The following SYNPR variants were observed in gnomAD, a reference collection of about 807,000 sequenced individuals.
SYNPR encodes synaptoporin.
In SYNPR, 23 loss-of-function variants were observed where a neutral mutation model predicts 32.9. That is an observed-to-expected ratio of 0.70 (90% CI 0.50 to 0.99). The LOEUF is 0.99. Among genes scored for constraint, SYNPR ranks in the 50% least tolerant of loss-of-function variants. The pLI, the probability that SYNPR is intolerant of heterozygous loss-of-function variation, is 0.00. For missense variants in SYNPR, 318 were observed against 349.3 expected (o/e 0.91, Z 0.71); for synonymous variants, 146 against 135.9 (o/e 1.07, Z -0.52).
upstream of SYNPR, among the ~76,000 whole-genome samples, chr3:63,227,032 A>G (rs1384117136): frequency 6.6e-6 from 1 of 152,194 alleles, no homozygotes; most frequent in Non-Finnish European, 1.5e-5. Context: ...ATAAAATAAA[A>G]TGTATTTAAA....
At chr3:63,532,708 T>TCC (rs1702133065) in intron 3 of SYNPR, among the ~76,000 whole-genome samples, 1 of 152,194 alleles carries the variant, frequency 6.6e-6, no homozygotes. Flanking sequence ...TGCTGCTAAA[T>TCC]CCCACTGACG....
At chr3:63,520,433 G>T (rs1018926144) in intron 3 of SYNPR, among the ~76,000 whole-genome samples, 10 of 152,142 alleles carry the variant, frequency 6.6e-5, no homozygotes, top group Non-Finnish European at 1.5e-5. Context: ...CCAGCACTTT[G>T]GGAGGCTGAG....
intron 2 of SYNPR, among the ~76,000 whole-genome samples, chr3:63,299,605 C>T (rs1437465813): frequency 6.6e-6 from 1 of 152,042 alleles, no homozygotes; most frequent in African/African-American, 2.4e-5. Context: ...TACAGGGAGA[C>T]AGGCAGAAAA....
chr3:63,427,812 C>T (rs372592800), intron 2 of SYNPR, among the ~76,000 whole-genome samples: 40 of 152,196 alleles, frequency 2.6e-4, no homozygotes, highest in East Asian at 2.5e-3. Flanking sequence ...AGTTCATTAG[C>T]TCTTTCTCAT....
intron 2 of SYNPR, among the ~76,000 whole-genome samples, chr3:63,351,932 T>A (rs1366517441): frequency 6.6e-6 from 1 of 152,066 alleles, no homozygotes; most frequent in Non-Finnish European, 1.5e-5. Context: ...ACTCATACAG[T>A]GAGAACTGCT....
chr3:63,264,831 G>T (rs894892300), intron 2 of SYNPR, among the ~76,000 whole-genome samples: 10 of 152,112 alleles, frequency 6.6e-5, no homozygotes, highest in African/African-American at 2.2e-4. Flanking sequence ...GTGAGGGCAA[G>T]CCGGGGAAAT....
chr3:63,614,740 G>A (rs188317414), intron 5 of SYNPR, among the ~76,000 whole-genome samples: 38 of 152,288 alleles, frequency 2.5e-4, no homozygotes, highest in Admixed American at 2.1e-3. Flanking sequence ...AGAGAAGATA[G>A]CCTTATAAAT....
At chr3:63,233,518 C>T (rs1294475130) in intron 1 of SYNPR, among the ~76,000 whole-genome samples, 2 of 152,216 alleles carry the variant, frequency 1.3e-5, no homozygotes, top group African/African-American at 2.4e-5. Flanking sequence ...ACTGCCATTA[C>T]TAAATTCCAT....
At chr3:63,393,302 G>T (rs1366485574) in intron 2 of SYNPR, among the ~76,000 whole-genome samples, 1 of 152,062 alleles carries the variant, frequency 6.6e-6, no homozygotes, top group East Asian at 1.9e-4. Context: ...GTATGTGAGG[G>T]TTATTCTAGG....
chr3:63,485,864 A>G (rs1309328353), intron 3 of SYNPR, among the ~76,000 whole-genome samples: 1 of 152,242 alleles, frequency 6.6e-6, no homozygotes, highest in Non-Finnish European at 1.5e-5. Flanking sequence ...ACAATAAAAA[A>G]TAAAGTAGTT....
At chr3:63,270,605 T>G (rs888553784) in intron 3 of SYNPR, among the ~76,000 whole-genome samples, 1 of 152,176 alleles carries the variant, frequency 6.6e-6, no homozygotes, top group African/African-American at 2.4e-5. Context: ...GGTATAAAAT[T>G]TGTTCAAATT....
At chr3:63,254,851 T>G (rs1039321089) in intron 2 of SYNPR, among the ~76,000 whole-genome samples, 1 of 152,158 alleles carries the variant, frequency 6.6e-6, no homozygotes, top group African/African-American at 2.4e-5. Context: ...GGGTGGGCCC[T>G]AATCCAATAT....
At chr3:63,207,636 T>A in the SYNPR span, among the ~76,000 whole-genome samples, 2 of 152,166 alleles carry the variant, frequency 1.3e-5, no homozygotes, top group African/African-American at 4.8e-5. Context: ...CATGAGGCTC[T>A]ACAAGGAACA....
chr3:63,534,907 C>A (rs1246831700), intron 3 of SYNPR, among the ~76,000 whole-genome samples: 1 of 152,076 alleles, frequency 6.6e-6, no homozygotes, highest in Non-Finnish European at 1.5e-5. Flanking sequence ...CATAAGGAAT[C>A]CACCCCCATA....
At chr3:63,498,670 T>C (rs912456204) in intron 3 of SYNPR, among the ~76,000 whole-genome samples, 23 of 151,966 alleles carry the variant, frequency 1.5e-4, no homozygotes, top group Non-Finnish European at 2.9e-5. Context: ...GGTAAAGGAA[T>C]AGAAGGAAGA....
intron 2 of SYNPR, among the ~76,000 whole-genome samples, chr3:63,294,998 T>C (rs1383711632): frequency 6.6e-6 from 1 of 152,186 alleles, no homozygotes; most frequent in East Asian, 1.9e-4. Flanking sequence ...AGAGTGTTAT[T>C]GCACCATCTG....
chr3:63,589,419 C>T (rs1703266343), intron 4 of SYNPR, among the ~76,000 whole-genome samples: 1 of 152,074 alleles, frequency 6.6e-6, no homozygotes, highest in African/African-American at 2.4e-5. Flanking sequence ...TACCATATTT[C>T]CAAGACCTGG....
chr3:63,461,149 G>C (rs531136890), intron 2 of SYNPR, among the ~76,000 whole-genome samples: 9 of 152,142 alleles, frequency 5.9e-5, no homozygotes, highest in African/African-American at 2.2e-4. Flanking sequence ...ATAGCCTTTA[G>C]ATGCTTTTTA....
At chr3:63,217,607 C>G in the SYNPR span, among the ~76,000 whole-genome samples, 1 of 148,050 alleles carries the variant, frequency 6.8e-6, no homozygotes, top group Non-Finnish European at 1.5e-5. Context: ...CGCCCACTGT[C>G]TGGCACTCCC....
Sources: allele counts gnomAD v4.1 joint callset (sites outside exome capture counted in the v4.1 genomes callset), GRCh38; gene constraint gnomAD v4.1.1; transcripts MANE v1.5; gene names NCBI Gene and HGNC (gene_info 2026-07-23, HGNC 2026-07-21).